The following XPNPEP3 variants were observed in gnomAD, a reference collection of about 807,000 sequenced individuals.
The protein encoded by XPNPEP3 is xaa-Pro aminopeptidase 3.
A neutral mutation model predicts 60.0 loss-of-function variants in XPNPEP3; 41 were observed. That is an observed-to-expected ratio of 0.68 (90% confidence interval 0.53 to 0.89). The LOEUF (loss-of-function observed/expected upper bound fraction) is 0.89, where lower values mean the gene tolerates loss of function less well. XPNPEP3 is among the 40% of genes least tolerant of loss of function. The pLI is 0.00. For synonymous variants in XPNPEP3, 212 were observed against 223.2 expected (o/e 0.95, Z 0.45); for missense variants, 598 against 638.9 (o/e 0.94, Z 0.69).
chr22:40,918,153 G>C (rs752335071), intron 7 of XPNPEP3, among the ~76,000 whole-genome samples: 2 of 151,920 alleles, frequency 1.3e-5, no homozygotes, highest in African/African-American at 4.8e-5. Flanking sequence ...AGGAGGATCA[G>C]TTGAGGCCAG....
At chr22:40,860,276 T>A (rs1253460373) in intron 1 of XPNPEP3, 1 of 152,946 alleles carries the variant, frequency 6.5e-6, no homozygotes, top group Admixed American at 6.5e-5. Context: ...AGAGGACAGG[T>A]CTCATTATGT....
At chr22:40,898,173 C>T (rs1189519946) in intron 4 of XPNPEP3, among the ~76,000 whole-genome samples, 1 of 145,580 alleles carries the variant, frequency 6.9e-6, no homozygotes, top group Non-Finnish European at 1.5e-5. Flanking sequence ...TAAAGGTATT[C>T]CCCTATGTTT....
intron 4 of XPNPEP3, among the ~76,000 whole-genome samples, chr22:40,897,345 T>A (rs746547708): frequency 1.3e-5 from 2 of 152,124 alleles, no homozygotes; most frequent in Non-Finnish European, 2.9e-5. Context: ...TCTTTTCATC[T>A]GTCATTGGAC....
At chr22:40,877,135 CCTTT>C (rs1349812305) in intron 2 of XPNPEP3, among the ~76,000 whole-genome samples, 7 of 152,162 alleles carry the variant, frequency 4.6e-5, no homozygotes, top group African/African-American at 1.4e-4. Context: ...GTATATGTAG[CCTTT>C]CTGTTTGTTT....
intron 1 of XPNPEP3, chr22:40,861,289 CT>C: frequency 4.3e-6 from 7 of 1,614,142 alleles, no homozygotes; most frequent in Non-Finnish European, 5.9e-6. Flanking sequence ...CAGCTGCATT[CT>C]TTTGCAAAGC....
At position 40,932,504 on chromosome 22, in the gene XPNPEP3, C is replaced by T. The variant is rs1344605949; in HGVS notation, c.*6069C>T. On this transcript the variant is annotated 3_prime_UTR_variant, in exon 10 of 10. Coordinates refer to ENST00000357137, the MANE Select transcript of XPNPEP3 (RefSeq NM_022098.4). ...AGCAGAATTTCACTGTTACAAACCACATGGGTTCTCCTGGTTGTGCTGCTG... is the reference window on the plus strand; with the variant it reads ...AGCAGAATTTCACTGTTACAAACCATATGGGTTCTCCTGGTTGTGCTGCTG... 1 of 152,142 alleles carries T rather than the reference C, an allele frequency of 6.6e-6. No homozygotes were observed. Among genetic ancestry groups the T allele is most frequent in the Non-Finnish European group, 1.5e-5 (1 of 68,040 alleles). 9.4% of individuals were successfully genotyped at this position (152,142 alleles called of 1,614,324 possible).
intron 4 of XPNPEP3, among the ~76,000 whole-genome samples, chr22:40,896,365 A>G (rs983509097): frequency 6.6e-6 from 1 of 152,050 alleles, no homozygotes; most frequent in East Asian, 1.9e-4. Flanking sequence ...TGAGATGCAT[A>G]TAAAATTTTA....
intron 6 of XPNPEP3, among the ~76,000 whole-genome samples, chr22:40,910,892 C>G (rs776979613): frequency 6.6e-6 from 1 of 152,056 alleles, no homozygotes; most frequent in African/African-American, 2.4e-5. Flanking sequence ...CCTGTAATCC[C>G]AGCTACTCAG....
At chr22:40,870,165 T>C in intron 2 of XPNPEP3, 1 of 442,722 alleles carries the variant, frequency 2.3e-6, no homozygotes, top group Non-Finnish European at 4.7e-6. Context: ...ACCCAGTTGG[T>C]ATTAATTTTA....
chr22:40,902,033 T>C (rs1178586678), intron 4 of XPNPEP3, among the ~76,000 whole-genome samples: 2 of 151,908 alleles, frequency 1.3e-5, no homozygotes, highest in Non-Finnish European at 2.9e-5. Flanking sequence ...AAATCAAGAA[T>C]GAATTAGGTG....
Position 40,865,364 on chromosome 22 carries a change from C to T in XPNPEP3, c.65-3635C>T, listed in dbSNP as rs868357466. On this transcript the variant is annotated intron_variant, in intron 1 of 9. Coordinates refer to ENST00000357137, the MANE Select transcript of XPNPEP3 (RefSeq NM_022098.4). ...TTTTTTTGAGATGGAGTTTCACTCT[C>T]GTTGCCCAGGCTAGAGTACAGTGGT... is the stretch of plus-strand genomic sequence containing the variant. Among the ~76,000 whole-genome samples, 26 of 143,344 alleles carry T rather than the reference C, an allele frequency of 1.8e-4. 1 individual carries two copies. The Middle Eastern group carries it at 0.015, about 83-fold the overall frequency. 94.0% of individuals were successfully genotyped at this position (143,344 alleles called of 152,430 possible).
intron 2 of XPNPEP3, 56 bp downstream of exon 2, chr22:40,869,171 A>G: frequency 1.2e-5 from 17 of 1,440,562 alleles, no homozygotes; most frequent in Non-Finnish European, 1.7e-5. Flanking sequence ...GAGCAATGCT[A>G]TGCAATAGAA....
chr22:40,910,741 C>T (rs946582873), intron 6 of XPNPEP3, among the ~76,000 whole-genome samples: 13 of 152,034 alleles, frequency 8.6e-5, no homozygotes, highest in African/African-American at 2.9e-4. Flanking sequence ...CACAGTGGCT[C>T]ACACCTGTAA....
chr22:40,861,821 ATT>A, intron 1 of XPNPEP3: 1 of 1,611,766 alleles, frequency 6.2e-7, no homozygotes, highest in Non-Finnish European at 8.5e-7. Flanking sequence ...GTTTCTCATC[ATT>A]TGATAATACC....
chr22:40,918,665 C>G (rs2058205209), intron 7 of XPNPEP3, among the ~76,000 whole-genome samples: 1 of 151,312 alleles, frequency 6.6e-6, no homozygotes. Context: ...GCCTGGGCAA[C>G]AGAACGAGAC....
rs751910922 is a variant in XPNPEP3, at chr22:40,886,367, AC to A, written c.645del (p.Ser216LeufsTer7). Reference protein sequence around the residue: ...DWMRPSHAQLHSDYMQPLTEA... With the variant: ...DWMRPSHAQLXSDYMQPLTEA... Reference sequence around the variant, plus strand: ...ATGAGGCCCTCACATGCACAGCTTCACTCTGACTATATGCAGCCCCTGACTG... The same window carrying A: ...ATGAGGCCCTCACATGCACAGCTTCATCTGACTATATGCAGCCCCTGACTG... On this transcript the variant is annotated frameshift_variant, in exon 4 of 10. Coordinates refer to ENST00000357137, the MANE Select transcript of XPNPEP3 (RefSeq NM_022098.4). LOFTEE classifies it high-confidence loss of function. 3 of 1,613,978 alleles carry A rather than the reference AC, an allele frequency of 1.9e-6. No homozygotes were observed. In the Admixed American group the frequency reaches 5.0e-5, roughly 27 times the overall value.
intron 4 of XPNPEP3, among the ~76,000 whole-genome samples, chr22:40,906,792 T>C (rs547240612): frequency 6.6e-6 from 1 of 152,362 alleles, no homozygotes; most frequent in African/African-American, 2.4e-5. Flanking sequence ...GGATAATTTA[T>C]AAGCAATAGA....
At chr22:40,902,038 T>C (rs1437839553) in intron 4 of XPNPEP3, among the ~76,000 whole-genome samples, 2 of 152,004 alleles carry the variant, frequency 1.3e-5, no homozygotes, top group Non-Finnish European at 2.9e-5. Context: ...AAGAATGAAT[T>C]AGGTGTCTTC....
At chr22:40,894,609 A>G (rs750633710) in intron 4 of XPNPEP3, among the ~76,000 whole-genome samples, 13 of 152,164 alleles carry the variant, frequency 8.5e-5, no homozygotes, top group Non-Finnish European at 1.8e-4. Flanking sequence ...ATTTTTATTA[A>G]TAGTTTAAGC....
Sources: allele counts gnomAD v4.1 joint callset (sites outside exome capture counted in the v4.1 genomes callset), GRCh38; gene constraint gnomAD v4.1.1; transcripts MANE v1.5; gene names NCBI Gene and HGNC (gene_info 2026-07-23, HGNC 2026-07-21).